The following PTPRG variants were observed in gnomAD, a reference collection of about 807,000 sequenced individuals.
The protein encoded by PTPRG is receptor-type tyrosine-protein phosphatase gamma.
In PTPRG, 102 loss-of-function variants were observed where a neutral mutation model predicts 165.3. The ratio of observed to expected loss-of-function variants is 0.62; its 90% CI spans 0.53 to 0.73. The LOEUF is 0.73. Among genes scored for constraint, PTPRG ranks in the 30% least tolerant of loss-of-function variants. The pLI, the probability that PTPRG is intolerant of heterozygous loss-of-function variation, is 0.00. For synonymous variants in PTPRG, 675 were observed against 669.5 expected (o/e 1.01, Z -0.13); for missense variants, 1,866 against 1,861.4 (o/e 1.00, Z -0.05).
At chr3:62,026,893 A>T (rs1030856855) in intron 4 of PTPRG, among the ~76,000 whole-genome samples, 7 of 151,052 alleles carry the variant, frequency 4.6e-5, no homozygotes, top group African/African-American at 1.7e-4. Context: ...AAAAAAAAAA[A>T]AGATATAAGA....
chr3:62,287,114 A>AAAAACAT (rs1222262541), intron 28 of PTPRG, among the ~76,000 whole-genome samples: 34 of 152,288 alleles, frequency 2.2e-4, no homozygotes, highest in Admixed American at 1.1e-3. Flanking sequence ...CATACTCCGT[A>AAAAACAT]AAAACATACA....
chr3:61,828,512 C>T (rs2036175765), intron 2 of PTPRG, among the ~76,000 whole-genome samples: 1 of 152,140 alleles, frequency 6.6e-6, no homozygotes, highest in South Asian at 2.1e-4. Flanking sequence ...TTTCATAGTG[C>T]CTGGCCCATG....
chr3:62,129,628 A>G (rs1703441308), intron 5 of PTPRG, among the ~76,000 whole-genome samples: 2 of 152,182 alleles, frequency 1.3e-5, no homozygotes, highest in Non-Finnish European at 2.9e-5. Flanking sequence ...AATGATGATA[A>G]TCTATTCATG....
intron 28 of PTPRG, among the ~76,000 whole-genome samples, chr3:62,287,970 A>C (rs1702733061): frequency 6.6e-6 from 1 of 152,160 alleles, no homozygotes; most frequent in Non-Finnish European, 1.5e-5. Flanking sequence ...AACATCCCAA[A>C]TCCTTATAAC....
At chr3:61,849,980 G>T (rs561882464) in intron 2 of PTPRG, among the ~76,000 whole-genome samples, 8 of 152,020 alleles carry the variant, frequency 5.3e-5, no homozygotes, top group Non-Finnish European at 1.2e-4. Context: ...TTCTCTGGGC[G>T]AAAAGTTGAA....
At chr3:61,785,542 T>G (rs930117057) in intron 2 of PTPRG, among the ~76,000 whole-genome samples, 2 of 152,152 alleles carry the variant, frequency 1.3e-5, no homozygotes, top group African/African-American at 4.8e-5. Flanking sequence ...GGTGTCACAT[T>G]AGCTTTATAT....
At chr3:61,736,259 A>G (rs1375538253) in intron 1 of PTPRG, among the ~76,000 whole-genome samples, 1 of 151,686 alleles carries the variant, frequency 6.6e-6, no homozygotes, top group African/African-American at 2.4e-5. Context: ...GTTCCTCTGA[A>G]ATCCATAGTA....
At chr3:62,050,718 GA>G (rs1479543939) in intron 4 of PTPRG, among the ~76,000 whole-genome samples, 2 of 152,134 alleles carry the variant, frequency 1.3e-5, no homozygotes, top group African/African-American at 4.8e-5. Context: ...GCAAAGTCCA[GA>G]GGTATCATTG....
At chr3:61,947,285 T>G (rs567855133) in intron 2 of PTPRG, among the ~76,000 whole-genome samples, 1 of 152,288 alleles carries the variant, frequency 6.6e-6, no homozygotes, top group East Asian at 1.9e-4. Flanking sequence ...GTTTAAAAAT[T>G]GACAACAATT....
rs1159403447 is a variant in PTPRG, at chr3:62,254,734, A to C, written c.2468-390A>C. On this transcript the variant is annotated intron_variant, in intron 15 of 29. Coordinates refer to ENST00000474889, the MANE Select transcript of PTPRG (RefSeq NM_002841.4). This position sits in a 1 kb window ranked among gnomAD's most constrained non-coding sequence, Gnocchi z 4.6. ...GACTCCATTGAACAGCAATTAAAAA[A>C]AAACAACAACAACAACAACAAAGAA... Among the ~76,000 whole-genome samples, 2 of 152,036 alleles carry C rather than the reference A, an allele frequency of 1.3e-5. No homozygotes were observed. The highest frequency in any genetic ancestry group is 1.9e-4 in the East Asian group (1 of 5,194).
intron 2 of PTPRG, among the ~76,000 whole-genome samples, chr3:61,950,140 C>T (rs1173688901): frequency 2.6e-5 from 4 of 152,188 alleles, no homozygotes; most frequent in Non-Finnish European, 5.9e-5. Context: ...TTTTAAAATA[C>T]TTTGTGTGGC....
chr3:61,603,082 G>A lies in PTPRG; in HGVS notation c.85+40710G>A, dbSNP rs933189890. On this transcript the variant is annotated intron_variant, in intron 1 of 29. Transcript: ENST00000474889. ...TGGTGCTTTGAAATGGGTCATCATG[G>A]GAATATTTATACCATGGAAATCAGC... Among the ~76,000 whole-genome samples, 3 of 152,068 alleles carry A rather than the reference G, an allele frequency of 2.0e-5. No individual in the cohort carries two copies. The East Asian group carries it at 5.8e-4, about 29-fold the overall frequency.
intron 1 of PTPRG, among the ~76,000 whole-genome samples, chr3:61,730,606 G>T (rs2032454366): frequency 6.6e-6 from 1 of 152,234 alleles, no homozygotes; most frequent in Non-Finnish European, 1.5e-5. Flanking sequence ...GATCTGAGGG[G>T]TGTGTTTGTC....
chr3:61,567,145 C>T (rs1019726311), intron 1 of PTPRG, among the ~76,000 whole-genome samples: 1 of 152,092 alleles, frequency 6.6e-6, no homozygotes, highest in Non-Finnish European at 1.5e-5. Context: ...TCGGCTGTAT[C>T]CTGTTTAGAG....
intron 1 of PTPRG, among the ~76,000 whole-genome samples, chr3:61,675,497 T>A (rs1444020185): frequency 6.6e-6 from 1 of 152,172 alleles, no homozygotes; most frequent in Admixed American, 6.5e-5. Flanking sequence ...GAGTCCCGTA[T>A]TTTTCTCACC....
In PTPRG at chr3:62,233,994, C is replaced by A. The variant is rs1194875835; in HGVS notation, c.2375+2683C>A. On this transcript the variant is annotated intron_variant, in intron 14 of 29. Coordinates refer to ENST00000474889, the MANE Select transcript of PTPRG (RefSeq NM_002841.4). This position sits in a 1 kb window ranked among gnomAD's most constrained non-coding sequence, Gnocchi z 4.7. ...CCCTACCTCCTCACAAATAGGTAGC[C>A]CCTATTGCTAGTTTGTTGTCTATTC... Among the ~76,000 whole-genome samples, 1 of 152,130 alleles carries A rather than the reference C, an allele frequency of 6.6e-6. No homozygotes were observed. Among genetic ancestry groups the A allele is most frequent in the African/African-American group, 2.4e-5 (1 of 41,412 alleles).
At chr3:62,170,704 T>C (rs1295228191) in intron 8 of PTPRG, among the ~76,000 whole-genome samples, 1 of 152,108 alleles carries the variant, frequency 6.6e-6, no homozygotes, top group Admixed American at 6.6e-5. Flanking sequence ...CTTTAAGACA[T>C]GGGAATATTA....
chr3:61,906,950 G>C (rs563485684), intron 2 of PTPRG, among the ~76,000 whole-genome samples: 1 of 152,230 alleles, frequency 6.6e-6, no homozygotes, highest in East Asian at 1.9e-4. Context: ...TTTCAGGAAA[G>C]AGCGATATTT....
At chr3:61,700,580 G>A (rs903157001) in intron 1 of PTPRG, among the ~76,000 whole-genome samples, 5 of 152,070 alleles carry the variant, frequency 3.3e-5, no homozygotes, top group East Asian at 3.8e-4. Context: ...TCTTCCAGCC[G>A]TGATACTTCA....
Sources: allele counts gnomAD v4.1 joint callset (sites outside exome capture counted in the v4.1 genomes callset), GRCh38; gene constraint gnomAD v4.1.1; non-coding constraint Gnocchi (gnomAD v3.1); transcripts MANE v1.5; gene names NCBI Gene and HGNC (gene_info 2026-07-23, HGNC 2026-07-21).